The following CELSR1 variants were observed in gnomAD, a reference collection of about 807,000 sequenced individuals.
CELSR1 encodes the protein cadherin EGF LAG seven-pass G-type receptor 1.
In CELSR1, 110 loss-of-function variants were observed where a neutral mutation model predicts 249.1. That is an observed-to-expected ratio of 0.44 (90% confidence interval 0.38 to 0.52). The LOEUF is 0.52. CELSR1 is among the 20% of genes least tolerant of loss of function. The pLI is 0.00. For missense variants in CELSR1, 4,109 were observed against 4,296.4 expected, an observed-to-expected ratio of 0.96 and a Z score of 1.22; for synonymous variants, 2,113 against 1,900.0, an observed-to-expected ratio of 1.11 and a Z score of -2.92.
intron 1 of CELSR1, among the ~76,000 whole-genome samples, chr22:46,525,308 G>C (rs2080728009): frequency 6.6e-6 from 1 of 152,162 alleles, no homozygotes; most frequent in Non-Finnish European, 1.5e-5. Flanking sequence ...AATTAGCCGG[G>C]TGTGGTGGTG....
rs756774776 is a variant in CELSR1, at chr22:46,517,606, A to G, written c.3544+16021T>C. ...CGCCCCTGAGCTTCCCGTCCTGCAC[A>G]CACAGACGCACCCCTGACCTCTGAC... On this transcript the variant is annotated intron_variant, in intron 1 of 34. Transcript: ENST00000674500. This position sits in a 1 kb window ranked among gnomAD's most constrained non-coding sequence, Gnocchi z 5.4. Among the ~76,000 whole-genome samples, 4 of 152,228 alleles carry G rather than the reference A, an allele frequency of 2.6e-5. No homozygotes were observed. The highest frequency in any genetic ancestry group is 5.9e-5 in the Non-Finnish European group (4 of 68,042).
chr22:46,455,267 T>C (rs1036275482), intron 2 of CELSR1, among the ~76,000 whole-genome samples: 2 of 152,202 alleles, frequency 1.3e-5, no homozygotes, highest in African/African-American at 2.4e-5. Context: ...TCTCGCTCTG[T>C]CGCCCAGGCT....
intron 2 of CELSR1, among the ~76,000 whole-genome samples, chr22:46,458,723 C>G (rs1175061204): frequency 6.6e-6 from 1 of 152,172 alleles, no homozygotes; most frequent in African/African-American, 2.4e-5. Context: ...CAAGTCGAAT[C>G]CTGGCCCCGC....
intron 25 of CELSR1, among the ~76,000 whole-genome samples, chr22:46,372,218 A>C: frequency 1.7e-5 from 2 of 117,078 alleles, no homozygotes; most frequent in African/African-American, 6.9e-5. Context: ...CCATCCATCT[A>C]CTCACCCATC....
chr22:46,485,090 G>T lies in CELSR1; in HGVS notation c.3545-20745C>A, dbSNP rs1376557097. ...GAAACCTGAGAGAAAGATGACGCAG[G>T]CCTCCCCGTGAAAACACTCAGTTTT... On this transcript the variant is annotated intron_variant, in intron 1 of 34. Coordinates refer to ENST00000674500, the MANE Select transcript of CELSR1 (RefSeq NM_001378328.1). Among the ~76,000 whole-genome samples the T allele has an allele frequency of 4.6e-5, 7 of 152,210 alleles. No homozygotes were observed. In the East Asian group the frequency reaches 1.4e-3, roughly 29 times the overall value.
chr22:46,377,243 G>C lies in CELSR1; in HGVS notation c.7402C>G (p.Leu2468Val), dbSNP rs750452174. 1.9e-6 allele frequency: 3 copies of C among 1,614,014 alleles called. No homozygotes were observed. The South Asian group carries it at 3.3e-5, about 18-fold the overall frequency. Residue 2468 changes from leucine to valine, a missense_variant, in exon 24 of 35, where the codon CTG (leucine) becomes GTG (valine). Physicochemically the swap from Leu to Val is conservative, Grantham distance 32 (BLOSUM62 1). Around this residue, in one of 7 missense-constraint regions of CELSR1, gnomAD observed 1,805 missense variants for 1,831.6 expected, o/e 0.99. Transcript: ENST00000674500. ...SRRENGEVLP[L>V]KIVTYAAVSL... ...ACAGCGGCATAGGTGACAATCTTCA[G>C]AGGCAGGACCTCCCCGTTCTATGGG...
Position 46,512,502 on chromosome 22 carries a change from G to A in CELSR1, c.3544+21125C>T, listed in dbSNP as rs556299034. On this transcript the variant is annotated intron_variant, in intron 1 of 34. Coordinates refer to ENST00000674500, the MANE Select transcript of CELSR1 (RefSeq NM_001378328.1). The surrounding 1 kb of genome is among the most constrained non-coding windows in gnomAD (Gnocchi z 5.2). ...CACGAGAATTGCTTGAACCCGGGAGGCGGAGGTTTCAGTGAGCCGAGATCA... is the reference window on the plus strand; with the variant it reads ...CACGAGAATTGCTTGAACCCGGGAGACGGAGGTTTCAGTGAGCCGAGATCA... Among the ~76,000 whole-genome samples the A allele has an allele frequency of 1.3e-4, 19 of 151,762 alleles. No homozygotes were observed. The South Asian group carries it at 3.1e-3, about 25-fold the overall frequency.
chr22:46,467,418 T>C (rs2080108362), intron 1 of CELSR1, among the ~76,000 whole-genome samples: 1 of 152,162 alleles, frequency 6.6e-6, no homozygotes, highest in African/African-American at 2.4e-5. Flanking sequence ...AACATAAGTG[T>C]GTCCAAAATA....
chr22:46,365,288 C>T lies in CELSR1; in HGVS notation c.8497G>A (p.Val2833Met), dbSNP rs774171527. 17 of 1,612,798 alleles carry T rather than the reference C, an allele frequency of 1.1e-5. No homozygotes were observed. In the African/African-American group the frequency reaches 2.0e-4, roughly 19 times the overall value. The change falls in exon 32 of 35, where the codon GTG (valine) becomes ATG (methionine). Residue 2833 changes from valine to methionine, a missense_variant. By Grantham distance (21) the Val-to-Met change is conservative (BLOSUM62 1). This residue lies in a region of CELSR1 where 1,805 missense variants were observed against 1,831.6 expected (regional missense o/e 0.99). Coordinates refer to ENST00000674500, the MANE Select transcript of CELSR1 (RefSeq NM_001378328.1). Reference protein sequence around the residue: ...SHSSDSEDDGVGAEEKWDPAR... With the variant: ...SHSSDSEDDGMGAEEKWDPAR... ...GGGTCCCATTTTTCCTCAGCTCCCA[C>T]CCCATCGTCCTCGCTGTCTGACGAG...
In CELSR1 at chr22:46,365,307, T is replaced by C; in HGVS notation, c.8478A>G (p.Ser2826=). 1 of 1,612,978 alleles carries C rather than the reference T, an allele frequency of 6.2e-7. No homozygotes were observed. The highest frequency in any genetic ancestry group is 8.5e-7 in the Non-Finnish European group (1 of 1,179,962). ...CTCCCACCCCATCGTCCTCGCTGTCTGACGAGTGTGAGGAGGCGTAAGAGC... is the reference window on the plus strand; with the variant it reads ...CTCCCACCCCATCGTCCTCGCTGTCCGACGAGTGTGAGGAGGCGTAAGAGC... ...QSSSYASSHS[S]DSEDDGVGAE... The change falls in exon 32 of 35, where the codon TCA becomes TCG. Residue 2826 remains serine, a synonymous_variant. Coordinates refer to ENST00000674500, the MANE Select transcript of CELSR1 (RefSeq NM_001378328.1).
chr22:46,424,659 T>C (rs968750705), intron 5 of CELSR1, among the ~76,000 whole-genome samples: 2 of 152,154 alleles, frequency 1.3e-5, no homozygotes, highest in African/African-American at 4.8e-5. Flanking sequence ...CTGTTTTCCA[T>C]TGTTATTCTG....
Position 46,386,550 on chromosome 22 carries a change from TG to T in CELSR1, c.6590del (p.Pro2197GlnfsTer50). The T allele has an allele frequency of 1.3e-6, 2 of 1,598,570 alleles. No homozygotes were observed. Among genetic ancestry groups the T allele is most frequent in the South Asian group, 1.1e-5 (1 of 88,818 alleles). ...VIHSGSALLA[P>X]ATRAAWEQIQ... ...TCTGCTCCCACGCCGCCCTGGTGGC[TG>T]GGGCCAGGAGGGCGCTGCCCGAGTG... On this transcript the variant is annotated frameshift_variant, in exon 19 of 35. Transcript: ENST00000674500. LOFTEE classifies it high-confidence loss of function.
rs188792171 is a variant in CELSR1, at chr22:46,432,159, C to T, written c.4611+1234G>A. Among the ~76,000 whole-genome samples the T allele has an allele frequency of 7.2e-4, 110 of 152,252 alleles. 1 individual carries two copies. Among genetic ancestry groups the T allele is most frequent in the Middle Eastern group, 3.4e-3 (1 of 294 alleles). On this transcript the variant is annotated intron_variant, in intron 5 of 34. Coordinates refer to ENST00000674500, the MANE Select transcript of CELSR1 (RefSeq NM_001378328.1). Reference sequence around the variant, plus strand: ...ACCACTACTTGGAGTCTGTGTGGCACGCCTGGGAGATGATGGGATATTCAA... The same window carrying T: ...ACCACTACTTGGAGTCTGTGTGGCATGCCTGGGAGATGATGGGATATTCAA...
chr22:46,398,092 C>T lies in CELSR1; in HGVS notation c.5527-244G>A, dbSNP rs531136435. 5.9e-5 allele frequency among the ~76,000 whole-genome samples: 9 copies of T among 152,118 alleles called. No homozygotes were observed. Among genetic ancestry groups the T allele is most frequent in the Admixed American group, 2.6e-4 (4 of 15,294 alleles). ...GAGCTCCTGGGGTGCGCGGTGGGGGCGTGAGGAGTGGATGTCCCTGCCGAG... is the reference window on the plus strand; with the variant it reads ...GAGCTCCTGGGGTGCGCGGTGGGGGTGTGAGGAGTGGATGTCCCTGCCGAG... On this transcript the variant is annotated intron_variant, in intron 11 of 34. Transcript: ENST00000674500. This position sits in a 1 kb window ranked among gnomAD's most constrained non-coding sequence, Gnocchi z 7.2.
rs2147292733 is a variant in CELSR1 at position 46,401,383 on chromosome 22, CTGTT to C, written c.5227-1485_5227-1482del. Among the ~76,000 whole-genome samples the C allele has an allele frequency of 6.6e-6, 1 of 152,308 alleles. No individual in the cohort carries two copies. Among genetic ancestry groups the C allele is most frequent in the Admixed American group, 6.5e-5 (1 of 15,302 alleles). On this transcript the variant is annotated intron_variant, in intron 9 of 34. Transcript: ENST00000674500. This position sits in a 1 kb window ranked among gnomAD's most constrained non-coding sequence, Gnocchi z 4.7. ...CATGAGACAAAATATTAAAGAATGT[CTGTT>C]TGAAGACACTGAAGTGGCTCCAGGC... is the stretch of plus-strand genomic sequence containing the variant.
intron 1 of CELSR1, among the ~76,000 whole-genome samples, chr22:46,509,071 C>T (rs565299477): frequency 9.9e-5 from 15 of 152,132 alleles, no homozygotes; most frequent in Non-Finnish European, 1.9e-4. Flanking sequence ...ACGACACCTC[C>T]TAGGCATCCT....
chr22:46,363,892 C>T lies in CELSR1; in HGVS notation c.9035+104G>A, dbSNP rs774857369. On this transcript the variant is annotated intron_variant, in intron 34 of 34. Coordinates refer to ENST00000674500, the MANE Select transcript of CELSR1 (RefSeq NM_001378328.1). The surrounding 1 kb of genome is among the most constrained non-coding windows in gnomAD (Gnocchi z 4.3). ...TGGGCTTCCTCTGCACTCAGGGCTC[C>T]AGGTGAGGTGGGTGTCAGGTCCCTG... 7.2e-7 allele frequency: 1 copy of T among 1,396,548 alleles called. No individual in the cohort carries two copies. Among genetic ancestry groups the T allele is most frequent in the South Asian group, 1.5e-5 (1 of 65,888 alleles). The allele number at this position is 1,396,548 out of a possible 1,614,324, so 86.5% of individuals were successfully genotyped here.
rs890839466 is a variant in CELSR1 at position 46,380,655 on chromosome 22, C to T, written c.7256+133G>A. ...CAGAGCAGGAGGCTCACTGCCCCCACGGGGGACTTAAAGGGGAAACACAGA... is the reference window on the plus strand; with the variant it reads ...CAGAGCAGGAGGCTCACTGCCCCCATGGGGGACTTAAAGGGGAAACACAGA... On this transcript the variant is annotated intron_variant, in intron 22 of 34. Coordinates refer to ENST00000674500, the MANE Select transcript of CELSR1 (RefSeq NM_001378328.1). This position sits in a 1 kb window ranked among gnomAD's most constrained non-coding sequence, Gnocchi z 5.1. 7.0e-5 allele frequency: 72 copies of T among 1,025,226 alleles called. No homozygotes were observed. Among genetic ancestry groups the T allele is most frequent in the African/African-American group, 9.6e-5 (6 of 62,246 alleles). 63.5% of individuals were successfully genotyped at this position (1,025,226 alleles called of 1,614,324 possible).
In CELSR1 at chr22:46,526,623, C is replaced by T. The variant is rs1402720550; in HGVS notation, c.3544+7004G>A. On this transcript the variant is annotated intron_variant, in intron 1 of 34. Coordinates refer to ENST00000674500, the MANE Select transcript of CELSR1 (RefSeq NM_001378328.1). The surrounding 1 kb of genome is among the most constrained non-coding windows in gnomAD (Gnocchi z 4.7). Reference sequence around the variant, plus strand: ...CGGCATCCATCACGGATGACCCCCTCGGAGACACTCGCCCTCCCTCAGCCT... The same window carrying T: ...CGGCATCCATCACGGATGACCCCCTTGGAGACACTCGCCCTCCCTCAGCCT... 1.3e-5 allele frequency among the ~76,000 whole-genome samples: 2 copies of T among 152,214 alleles called. No individual in the cohort carries two copies. Among genetic ancestry groups the T allele is most frequent in the Admixed American group, 6.5e-5 (1 of 15,284 alleles).
Sources: gnomAD v4.1 joint callset for allele counts (sites outside exome capture counted in the v4.1 genomes callset) on GRCh38, gnomAD v4.1.1 for gene constraint, gnomAD v4.1.1 regional missense constraint, Gnocchi (gnomAD v3.1) non-coding constraint, MANE v1.5 for transcripts, NCBI Gene and HGNC (gene_info 2026-07-23, HGNC 2026-07-21) for gene names.